Variants in TTC19 observed in about 807,000 individuals in gnomAD.
TTC19 encodes tetratricopeptide repeat protein 19, mitochondrial.
TTC19 carries 38 observed loss-of-function variants against 49.5 expected under a neutral mutation model. That is an observed-to-expected ratio of 0.77 (90% CI 0.59 to 1.01). The LOEUF (loss-of-function observed/expected upper bound fraction) is 1.01. Ranked by LOEUF, TTC19 falls within the 50% of genes least tolerant of loss-of-function variation. TTC19 has a pLI of 0.00. For synonymous variants in TTC19, 204 were observed against 185.2 expected, an observed-to-expected ratio of 1.10 and a Z score of -0.83; for missense variants, 475 against 477.7, an observed-to-expected ratio of 0.99 and a Z score of 0.05.
intron 7 of TTC19, 100 bp downstream of exon 7, chr17:16,006,668 T>G (rs1970918803): frequency 2.3e-6 from 2 of 853,156 alleles, no homozygotes; most frequent in Non-Finnish European, 3.9e-6. Flanking sequence ...AGAGGGAAAG[T>G]TACCTATTTT....
chr17:16,044,124 G>T (rs1004183584), intron 2 of TTC19, among the ~76,000 whole-genome samples: 1 of 143,942 alleles, frequency 6.9e-6, no homozygotes, highest in Non-Finnish European at 1.5e-5. Context: ...AGCCGAGATC[G>T]TGCCACTGCA....
At chr17:16,038,952 G>C (rs1044514248) in intron 2 of TTC19, among the ~76,000 whole-genome samples, 2 of 152,102 alleles carry the variant, frequency 1.3e-5, no homozygotes, top group Non-Finnish European at 2.9e-5. Flanking sequence ...TGTATTTTTA[G>C]TAGAGATGGG....
rs758093163 is a variant in TTC19 at position 16,006,487 on chromosome 17, G to T, written c.595G>T (p.Val199Phe). The T allele has an allele frequency of 8.1e-6, 13 of 1,611,698 alleles. No individual in the cohort carries two copies. The South Asian group carries it at 1.1e-4, about 14-fold the overall frequency. Reference protein sequence around the residue: ...YAAQNRQEFAVAGYEFCISTL... With the variant: ...YAAQNRQEFAFAGYEFCISTL... ...TTTGCTTTACAGACAGGAATTTGCTGTTGCTGGCTATGAATTCTGCATTTC... is the reference window on the plus strand; with the variant it reads ...TTTGCTTTACAGACAGGAATTTGCTTTTGCTGGCTATGAATTCTGCATTTC... Residue 199 changes from valine to phenylalanine, a missense_variant, in exon 7 of 10, where the codon GTT becomes TTT. Physicochemically the swap from Val to Phe is conservative, Grantham distance 50 (BLOSUM62 -1). Coordinates refer to ENST00000261647, the MANE Select transcript of TTC19 (RefSeq NM_017775.4).
intron 2 of TTC19, among the ~76,000 whole-genome samples, chr17:16,043,118 G>C (rs1322005585): frequency 6.6e-6 from 1 of 152,186 alleles, no homozygotes; most frequent in African/African-American, 2.4e-5. Flanking sequence ...AAAGCCAAGA[G>C]AGGAAAGCAT....
At chr17:16,020,103 T>G (rs2151671909) in intron 7 of TTC19, among the ~76,000 whole-genome samples, 1 of 152,304 alleles carries the variant, frequency 6.6e-6, no homozygotes, top group African/African-American at 2.4e-5. Flanking sequence ...TGCAAGACTT[T>G]GTCTCAAAAA....
At chr17:16,000,322 ACT>A in intron 2 of TTC19, 77 bp downstream of exon 2, 4 of 1,566,582 alleles carry the variant, frequency 2.6e-6, no homozygotes, top group Non-Finnish European at 3.4e-6. Context: ...GCTGCGCATT[ACT>A]CTCTCCGCCT....
chr17:16,020,673 C>T (rs1175570671), intron 7 of TTC19, among the ~76,000 whole-genome samples: 1 of 151,440 alleles, frequency 6.6e-6, no homozygotes, highest in Admixed American at 6.6e-5. Flanking sequence ...CCCCCACTAC[C>T]CCCCACCCCC....
At chr17:16,002,970 C>T (rs1305924968) in intron 4 of TTC19, 139 bp downstream of exon 4, 22 of 851,516 alleles carry the variant, frequency 2.6e-5, no homozygotes, top group Non-Finnish European at 3.8e-5. Context: ...AAGTGTATTT[C>T]TCTTTATTGT....
chr17:16,029,104 T>C lies in TTC19; in HGVS notation c.*1582T>C, dbSNP rs1374773429. On this transcript the variant is annotated 3_prime_UTR_variant, in exon 10 of 10. Transcript: ENST00000261647. ...AAAAAATTAATGTCAACCACTCACC[T>C]TTTGCATTGAGAATGTTTTTACCTT... is the stretch of plus-strand genomic sequence containing the variant. The C allele has an allele frequency of 2.2e-6, 1 of 444,544 alleles. No individual in the cohort carries two copies. The highest frequency in any genetic ancestry group is 6.9e-5 in the East Asian group (1 of 14,390). 27.5% of individuals were successfully genotyped at this position (444,544 alleles called of 1,614,324 possible). A position where few individuals can be genotyped will look rare whatever the true frequency, so the allele number is the denominator to read the frequency against.
chr17:16,041,958 G>A (rs952634737), intron 2 of TTC19, among the ~76,000 whole-genome samples: 11 of 151,886 alleles, frequency 7.2e-5, no homozygotes, highest in African/African-American at 2.7e-4. Flanking sequence ...GGATGGTCTT[G>A]ATCTCCTGAC....
At chr17:16,030,681 C>A (rs1278573947), downstream of TTC19, 3 of 180,186 alleles carry the variant, frequency 1.7e-5, no homozygotes, top group Non-Finnish European at 3.6e-5. Flanking sequence ...AGGAGTGGAA[C>A]AGGGACAGGA....
intron 7 of TTC19, among the ~76,000 whole-genome samples, chr17:16,008,495 T>A (rs1432101462): frequency 6.6e-6 from 1 of 152,164 alleles, no homozygotes; most frequent in Non-Finnish European, 1.5e-5. Context: ...CCATGTCTCA[T>A]CCCATTACCC....
chr17:16,034,646 T>C, intron 2 of TTC19: 5 of 904,542 alleles, frequency 5.5e-6, no homozygotes, highest in Non-Finnish European at 8.5e-6. Flanking sequence ...ATATTAATGA[T>C]ACAGAAATGG....
At chr17:16,032,037 A>T (rs1289287050), downstream of TTC19, 8 of 429,546 alleles carry the variant, frequency 1.9e-5, no homozygotes, top group Non-Finnish European at 3.3e-5. Context: ...TTCACTTTTT[A>T]AAAACTCTAC....
At chr17:16,040,335 AGAGCAGTCACTCCCCTGGTATACAGTTG>A in intron 2 of TTC19, 2 of 910,160 alleles carry the variant, frequency 2.2e-6, no homozygotes, top group Non-Finnish European at 3.6e-6. Context: ...TTTCCATATT[AGAGCAGTCACTCCCCTGGTATACAGTTG>A]GTACTCAGTA....
intron 7 of TTC19, among the ~76,000 whole-genome samples, chr17:16,016,180 C>T (rs374773026): frequency 3.3e-5 from 5 of 152,172 alleles, no homozygotes; most frequent in East Asian, 1.9e-4. Flanking sequence ...TTAGCTGCAT[C>T]TCATTAATTT....
intron 2 of TTC19, chr17:16,040,559 C>A (rs2152016515): frequency 7.7e-7 from 1 of 1,296,476 alleles, no homozygotes; most frequent in Non-Finnish European, 1.1e-6. Flanking sequence ...ACTAAAGTCT[C>A]AAAAAATTCC....
chr17:16,028,376 C>T lies in TTC19; in HGVS notation c.*854C>T, dbSNP rs916065126. ...CTCTTCGTAATTCTAATGTGTACTG[C>T]TGGTATAGCTGAACTACTGACCTGG... On this transcript the variant is annotated 3_prime_UTR_variant, in exon 10 of 10. Coordinates refer to ENST00000261647, the MANE Select transcript of TTC19 (RefSeq NM_017775.4). 1 of 453,988 alleles carries T rather than the reference C, an allele frequency of 2.2e-6. No homozygotes were observed. Among genetic ancestry groups the T allele is most frequent in the Non-Finnish European group, 4.4e-6 (1 of 226,796 alleles). 28.1% of individuals were successfully genotyped at this position (453,988 alleles called of 1,614,324 possible). A position where few individuals can be genotyped will look rare whatever the true frequency, so the allele number is the denominator to read the frequency against.
chr17:16,012,126 T>C (rs1971090190), intron 7 of TTC19, among the ~76,000 whole-genome samples: 1 of 152,108 alleles, frequency 6.6e-6, no homozygotes, highest in Admixed American at 6.5e-5. Flanking sequence ...TCCTCCTGAT[T>C]TGTGTTTATA....
Sources: allele counts gnomAD v4.1 joint callset (sites outside exome capture counted in the v4.1 genomes callset), GRCh38; gene constraint gnomAD v4.1.1; transcripts MANE v1.5; gene names NCBI Gene and HGNC (gene_info 2026-07-23, HGNC 2026-07-21).